SH3BP5: variants seen among roughly 807,000 people sequenced by gnomAD.
SH3BP5 encodes SH3 domain-binding protein 5.
Under a neutral mutation model 43.3 loss-of-function variants are expected in SH3BP5, and 22 were observed. That is an observed-to-expected ratio of 0.51 (90% confidence interval 0.36 to 0.73). SH3BP5 has a LOEUF of 0.73. Among genes scored for constraint, SH3BP5 ranks in the 30% least tolerant of loss-of-function variants. The probability of loss-of-function intolerance (pLI) is 0.00; values close to 1 mark genes in which losing one functional copy is unlikely to be tolerated. For synonymous variants in SH3BP5, 255 were observed against 225.8 expected, an observed-to-expected ratio of 1.13 and a Z score of -1.16; for missense variants, 529 against 586.9, an observed-to-expected ratio of 0.90 and a Z score of 1.02.
chr3:15,265,843 C>G (rs1489951419), intron 4 of SH3BP5, among the ~76,000 whole-genome samples: 2 of 152,086 alleles, frequency 1.3e-5, no homozygotes, highest in Non-Finnish European at 2.9e-5. Flanking sequence ...AGATACTGCT[C>G]AGCCCCGGAC....
At chr3:15,311,366 C>T (rs975466953) in intron 2 of SH3BP5, among the ~76,000 whole-genome samples, 2 of 152,038 alleles carry the variant, frequency 1.3e-5, no homozygotes, top group Non-Finnish European at 2.9e-5. Flanking sequence ...AGTTCGAGAC[C>T]AGCCTGGCCA....
Position 15,311,831 on chromosome 3 carries a change from AC to A in SH3BP5, c.202-7601del, listed in dbSNP as rs560044181. 4.3e-4 allele frequency among the ~76,000 whole-genome samples: 66 copies of A among 151,988 alleles called. 1 individual carries two copies. The highest frequency in any genetic ancestry group is 1.5e-3 in the African/African-American group (64 of 41,476). On this transcript the variant is annotated intron_variant, in intron 2 of 8. Coordinates refer to ENST00000383791, the MANE Select transcript of SH3BP5 (RefSeq NM_004844.5). The stretch of plus-strand genomic sequence containing the variant: ...CGGGACTAGAGGCACGTATGACCAC[AC>A]CCGGCTAATTTTTAAATTTTTTGTA...
At chr3:15,256,685 G>A (rs978600195) in intron 8 of SH3BP5, 168 bp downstream of exon 8, 3 of 788,746 alleles carry the variant, frequency 3.8e-6, no homozygotes, top group Non-Finnish European at 5.9e-6. Flanking sequence ...AGCCCCCCCA[G>A]AACAGCACTT....
chr3:15,257,868 A>G (rs747800158), intron 7 of SH3BP5, among the ~76,000 whole-genome samples: 2 of 152,158 alleles, frequency 1.3e-5, no homozygotes, highest in African/African-American at 2.4e-5. Context: ...ACAGCCTTGT[A>G]GCATTCCATA....
intron 2 of SH3BP5, among the ~76,000 whole-genome samples, chr3:15,326,263 G>A (rs1365682804): frequency 6.6e-6 from 1 of 152,172 alleles, no homozygotes; most frequent in African/African-American, 2.4e-5. Flanking sequence ...GCAGATGGCT[G>A]GCATCCAGAG....
chr3:15,298,808 G>A (rs1348119633), intron 3 of SH3BP5, among the ~76,000 whole-genome samples: 1 of 152,128 alleles, frequency 6.6e-6, no homozygotes, highest in South Asian at 2.1e-4. Context: ...GAGAGGGGAG[G>A]ATTGGGGAGT....
upstream of SH3BP5, chr3:15,332,598 G>T: frequency 8.4e-7 from 1 of 1,197,484 alleles, no homozygotes; most frequent in Non-Finnish European, 1.0e-6. Context: ...AAATGGGCGC[G>T]GCCGCCCCCT....
At chr3:15,341,163 CCTCAT>C (rs1698760962) in intron 1 of SH3BP5, 1 of 152,306 alleles carries the variant, frequency 6.6e-6, no homozygotes, top group Non-Finnish European at 1.5e-5. Flanking sequence ...CCAGGCCCCA[CCTCAT>C]CTGACTTGTG....
At chr3:15,269,523 A>G (rs1696737640) in intron 4 of SH3BP5, among the ~76,000 whole-genome samples, 190 bp downstream of exon 4, 1 of 152,230 alleles carries the variant, frequency 6.6e-6, no homozygotes. Flanking sequence ...ACGGAGAGAC[A>G]CTGTGACTCA....
intron 3 of SH3BP5, among the ~76,000 whole-genome samples, chr3:15,303,419 G>C (rs1697806696): frequency 6.6e-6 from 1 of 152,168 alleles, no homozygotes; most frequent in Non-Finnish European, 1.5e-5. Flanking sequence ...CATTCACAGG[G>C]CCTGGCTATC....
intron 2 of SH3BP5, among the ~76,000 whole-genome samples, chr3:15,329,003 A>G (rs1575356545): frequency 6.6e-6 from 1 of 152,170 alleles, no homozygotes; most frequent in South Asian, 2.1e-4. Context: ...TAAACTCATT[A>G]GCCAGGCATG....
intron 3 of SH3BP5, among the ~76,000 whole-genome samples, chr3:15,287,397 T>G (rs762855314): frequency 7.9e-5 from 12 of 152,232 alleles, no homozygotes; most frequent in Admixed American, 2.0e-4. Flanking sequence ...GGAGCGGGGC[T>G]AAAGGAAGGG....
intron 4 of SH3BP5, chr3:15,264,576 A>C (rs1186893124): frequency 6.6e-6 from 1 of 152,234 alleles, no homozygotes. Flanking sequence ...ATAATTTTTA[A>C]AAACAGAAAA....
At chr3:15,332,048 G>C in intron 1 of SH3BP5, 1 of 646,908 alleles carries the variant, frequency 1.5e-6, no homozygotes, top group South Asian at 2.1e-5. Flanking sequence ...GGGTCGGCGG[G>C]GGACTCCCCG....
At chr3:15,285,696 A>G (rs902644209) in intron 3 of SH3BP5, among the ~76,000 whole-genome samples, 1 of 152,256 alleles carries the variant, frequency 6.6e-6, no homozygotes, top group African/African-American at 2.4e-5. Context: ...AACATGGTAG[A>G]GAAGCTGCAC....
intron 6 of SH3BP5, chr3:15,259,560 G>C: frequency 3.0e-6 from 2 of 667,896 alleles, no homozygotes; most frequent in Non-Finnish European, 2.7e-6. Context: ...AACAGAGAAG[G>C]TGACTGAATG....
At chr3:15,259,406 GGGTGTTAA>G (rs1370620680) in intron 6 of SH3BP5, 18 of 513,336 alleles carry the variant, frequency 3.5e-5, no homozygotes, top group Admixed American at 9.8e-5. Flanking sequence ...AAATCCCCTT[GGGTGTTAA>G]GACTCAGCTC....
At chr3:15,300,819 G>A (rs529356467) in intron 3 of SH3BP5, among the ~76,000 whole-genome samples, 7 of 152,224 alleles carry the variant, frequency 4.6e-5, no homozygotes, top group South Asian at 4.1e-4. Context: ...AGGAGATTAC[G>A]GGGAGGGCTT....
intron 2 of SH3BP5, among the ~76,000 whole-genome samples, chr3:15,309,389 A>C (rs1048002552): frequency 6.6e-6 from 1 of 152,100 alleles, no homozygotes; most frequent in Non-Finnish European, 1.5e-5. Flanking sequence ...TGTCTTCTTA[A>C]GAGACAGAGT....
Sources: gnomAD v4.1 joint callset for allele counts (sites outside exome capture counted in the v4.1 genomes callset) on GRCh38, gnomAD v4.1.1 for gene constraint, MANE v1.5 for transcripts, NCBI Gene and HGNC (gene_info 2026-07-23, HGNC 2026-07-21) for gene names.